BTBD10: variants seen among roughly 807,000 people sequenced by gnomAD.
The protein encoded by BTBD10 is BTB domain containing 10.
In BTBD10, 21 loss-of-function variants were observed where a neutral mutation model predicts 53.2. The observed-to-expected ratio is 0.39, with a 90% CI of 0.28 to 0.57. BTBD10 has a LOEUF of 0.57. Among genes scored for constraint, BTBD10 ranks in the 20% least tolerant of loss-of-function variants. The probability of loss-of-function intolerance (pLI) is 0.53; values close to 1 mark genes in which losing one functional copy is unlikely to be tolerated. For synonymous variants in BTBD10, 149 were observed against 192.7 expected (o/e 0.77, Z 1.88); for missense variants, 360 against 594.7 (o/e 0.61, Z 4.10).
chr11:13,402,097 T>C (rs1949726797), intron 8 of BTBD10, among the ~76,000 whole-genome samples: 1 of 152,332 alleles, frequency 6.6e-6, no homozygotes, highest in East Asian at 1.9e-4. Flanking sequence ...TAAATCTCAC[T>C]GTTTACAAAG....
intron 2 of BTBD10, among the ~76,000 whole-genome samples, chr11:13,431,267 T>G (rs1950443896): frequency 6.6e-6 from 1 of 152,082 alleles, no homozygotes; most frequent in South Asian, 2.1e-4. Context: ...CCAAAAGCAC[T>G]TCTACAATCA....
intron 3 of BTBD10, 42 bp from the exon 4 acceptor site, chr11:13,419,787 T>C: frequency 2.1e-6 from 3 of 1,443,896 alleles, no homozygotes; most frequent in South Asian, 1.3e-5. Flanking sequence ...AATTTTCTTT[T>C]ACAAATTCAA....
At chr11:13,439,842 T>C in intron 2 of BTBD10, 1 of 1,434,902 alleles carries the variant, frequency 7.0e-7, no homozygotes, top group Non-Finnish European at 9.3e-7. Flanking sequence ...TATATGTAAA[T>C]AATTATAACC....
chr11:13,394,317 T>C (rs1458610200), intron 8 of BTBD10, among the ~76,000 whole-genome samples: 4 of 152,294 alleles, frequency 2.6e-5, no homozygotes, highest in East Asian at 3.9e-4. Context: ...CATGCTGTTC[T>C]TGTGATAGTG....
intron 1 of BTBD10, among the ~76,000 whole-genome samples, chr11:13,454,610 G>C (rs868384999): frequency 6.6e-6 from 1 of 152,210 alleles, no homozygotes; most frequent in South Asian, 2.1e-4. Context: ...CCACCTACTT[G>C]GTAGGCTGAG....
chr11:13,411,183 T>C (rs1011348326), intron 6 of BTBD10, among the ~76,000 whole-genome samples: 2 of 152,172 alleles, frequency 1.3e-5, no homozygotes, highest in African/African-American at 2.4e-5. Flanking sequence ...CCACACACTA[T>C]AGACACAAAG....
At chr11:13,446,952 A>G (rs893234644) in intron 1 of BTBD10, among the ~76,000 whole-genome samples, 5 of 152,148 alleles carry the variant, frequency 3.3e-5, no homozygotes, top group Non-Finnish European at 7.3e-5. Context: ...AAAGAAAAAA[A>G]GTAGTCACCA....
At chr11:13,410,026 A>C (rs1949905958) in intron 6 of BTBD10, among the ~76,000 whole-genome samples, 1 of 152,186 alleles carries the variant, frequency 6.6e-6, no homozygotes, top group Non-Finnish European at 1.5e-5. Context: ...AGTGAGGGAT[A>C]AAAGACTACA....
intron 2 of BTBD10, among the ~76,000 whole-genome samples, chr11:13,432,545 T>C (rs1442225670): frequency 2.0e-5 from 3 of 151,958 alleles, no homozygotes; most frequent in Non-Finnish European, 4.4e-5. Context: ...AATTATTTCA[T>C]AATGAAAATA....
chr11:13,427,509 G>A (rs370432503), intron 2 of BTBD10, among the ~76,000 whole-genome samples: 1 of 152,114 alleles, frequency 6.6e-6, no homozygotes, highest in Admixed American at 6.5e-5. Flanking sequence ...ATGAGAACTA[G>A]ACAATTCCAC....
At chr11:13,403,366 A>C (rs1949751234) in intron 7 of BTBD10, 88 bp from the exon 8 acceptor site, 2 of 697,480 alleles carry the variant, frequency 2.9e-6, no homozygotes, top group Non-Finnish European at 4.5e-6. Context: ...AAGGGGCCTA[A>C]CAGTCCTAAA....
intron 1 of BTBD10, among the ~76,000 whole-genome samples, chr11:13,452,535 C>T (rs1329068975): frequency 1.3e-5 from 2 of 152,054 alleles, no homozygotes; most frequent in African/African-American, 4.8e-5. Flanking sequence ...ATAATGAAAC[C>T]ACTTTTTGAT....
At chr11:13,403,458 C>G (rs187005528) in intron 7 of BTBD10, among the ~76,000 whole-genome samples, 180 bp from the exon 8 acceptor site, 47 of 152,190 alleles carry the variant, frequency 3.1e-4, no homozygotes, top group Admixed American at 1.8e-3. Flanking sequence ...AATGTAGAAG[C>G]AAATGTCTAC....
intron 7 of BTBD10, chr11:13,404,606 C>A (rs1949778690): frequency 1.0e-6 from 1 of 984,174 alleles, no homozygotes; most frequent in African/African-American, 1.7e-5. Context: ...TTTTGTTCAA[C>A]TTTTTATTCC....
At chr11:13,391,816 C>T (rs1280667552) in intron 8 of BTBD10, among the ~76,000 whole-genome samples, 1 of 152,188 alleles carries the variant, frequency 6.6e-6, no homozygotes, top group Non-Finnish European at 1.5e-5. Context: ...TGGTGGCGTG[C>T]GCCTGTAGTC....
At chr11:13,391,880 G>A (rs988502884) in intron 8 of BTBD10, among the ~76,000 whole-genome samples, 3 of 152,240 alleles carry the variant, frequency 2.0e-5, no homozygotes, top group African/African-American at 7.2e-5. Context: ...GGAGGCGGAG[G>A]CTGCAGTGAG....
intron 5 of BTBD10, among the ~76,000 whole-genome samples, chr11:13,414,899 G>A (rs1361719269): frequency 1.4e-5 from 2 of 144,362 alleles, no homozygotes; most frequent in East Asian, 2.0e-4. Context: ...CTGAGGTTCC[G>A]AACCAAAGTA....
intron 1 of BTBD10, among the ~76,000 whole-genome samples, chr11:13,450,505 A>C (rs1164655339): frequency 6.6e-6 from 1 of 152,206 alleles, no homozygotes; most frequent in African/African-American, 2.4e-5. Context: ...TATCACTAAA[A>C]ACACAGAAAA....
At chr11:13,439,254 T>G (rs1433601584) in intron 2 of BTBD10, among the ~76,000 whole-genome samples, 1 of 152,128 alleles carries the variant, frequency 6.6e-6, no homozygotes, top group African/African-American at 2.4e-5. Context: ...CCTGTTAAGA[T>G]TTAAAATCTC....
Sources: gnomAD v4.1 joint callset for allele counts (sites outside exome capture counted in the v4.1 genomes callset) on GRCh38, gnomAD v4.1.1 for gene constraint, MANE v1.5 for transcripts, NCBI Gene and HGNC (gene_info 2026-07-23, HGNC 2026-07-21) for gene names.